AFG2A: variants seen among roughly 807,000 people sequenced by gnomAD.
The protein encoded by AFG2A is AAA ATPase AFG2A, also known as ATPase family gene 2 protein homolog A.
chr4:123,227,320 T>A, the AFG2A span, among the ~76,000 whole-genome samples: 1 of 152,200 alleles, frequency 6.6e-6, no homozygotes, highest in Non-Finnish European at 1.5e-5. Context: ...CAATTTTAGA[T>A]CTTTCCTGCT....
the AFG2A span, among the ~76,000 whole-genome samples, chr4:123,142,676 C>T: frequency 1.3e-5 from 2 of 152,086 alleles, no homozygotes; most frequent in African/African-American, 4.8e-5. Flanking sequence ...TAGATGCTCT[C>T]TCAGGGTTAA....
the AFG2A span, among the ~76,000 whole-genome samples, chr4:123,208,773 T>C: frequency 6.6e-6 from 1 of 152,254 alleles, no homozygotes; most frequent in African/African-American, 2.4e-5. Context: ...ATAGCCATTC[T>C]TCTGTAGTTC....
the AFG2A span, among the ~76,000 whole-genome samples, chr4:123,307,758 T>G: frequency 7.6e-4 from 116 of 152,346 alleles, no homozygotes; most frequent in African/African-American, 2.6e-3. Context: ...TCCCATAAGA[T>G]TACAATATTA....
At chr4:123,294,709 G>T in the AFG2A span, among the ~76,000 whole-genome samples, 3 of 152,164 alleles carry the variant, frequency 2.0e-5, no homozygotes, top group African/African-American at 7.2e-5. Flanking sequence ...ACTGTGGGTT[G>T]TAAGTACCCA....
chr4:123,307,375 TAC>T, the AFG2A span, among the ~76,000 whole-genome samples: 1 of 151,364 alleles, frequency 6.6e-6, no homozygotes. Context: ...TCAGTGTAGA[TAC>T]ACACACACAC....
At chr4:123,262,968 A>G in the AFG2A span, among the ~76,000 whole-genome samples, 2 of 152,300 alleles carry the variant, frequency 1.3e-5, no homozygotes, top group South Asian at 2.1e-4. Context: ...ATGAAAGAAC[A>G]TGGTGTGGTC....
chr4:122,996,648 T>G, the AFG2A span, among the ~76,000 whole-genome samples: 2 of 151,556 alleles, frequency 1.3e-5, 1 homozygote, highest in South Asian at 4.2e-4. Flanking sequence ...TTAGGGGAAT[T>G]GGCTCACACA....
chr4:122,949,066 A>T, the AFG2A span, among the ~76,000 whole-genome samples: 1 of 152,224 alleles, frequency 6.6e-6, no homozygotes, highest in East Asian at 1.9e-4. Flanking sequence ...TAGATTCTGT[A>T]GTGGAAATAT....
At chr4:123,308,598 C>T in the AFG2A span, among the ~76,000 whole-genome samples, 7,535 of 152,226 alleles carry the variant, frequency 0.049, 251 homozygotes, top group Middle Eastern at 0.088. Context: ...TGAGATGGAA[C>T]GGATTCATCC....
the AFG2A span, among the ~76,000 whole-genome samples, chr4:123,224,584 C>T: frequency 6.6e-6 from 1 of 152,278 alleles, no homozygotes; most frequent in East Asian, 1.9e-4. Context: ...TGAATATGTG[C>T]CACATTTTCT....
chr4:123,171,167 A>C, the AFG2A span, among the ~76,000 whole-genome samples: 1 of 152,190 alleles, frequency 6.6e-6, no homozygotes, highest in East Asian at 1.9e-4. Context: ...ACACGGAAGT[A>C]ATACTGATGC....
the AFG2A span, among the ~76,000 whole-genome samples, chr4:122,988,161 G>A: frequency 3.0e-4 from 46 of 151,796 alleles, no homozygotes; most frequent in South Asian, 9.6e-3. Context: ...GTCGTAGTCT[G>A]ATGATGGTTT....
the AFG2A span, among the ~76,000 whole-genome samples, chr4:122,955,371 T>C: frequency 6.6e-6 from 1 of 152,228 alleles, no homozygotes; most frequent in African/African-American, 2.4e-5. Flanking sequence ...TACGGTCTCA[T>C]GGCCTAATCG....
At chr4:122,952,920 C>T in the AFG2A span, among the ~76,000 whole-genome samples, 1 of 152,152 alleles carries the variant, frequency 6.6e-6, no homozygotes, top group Non-Finnish European at 1.5e-5. Context: ...GGAACATGTG[C>T]ATACATTGGG....
At chr4:123,052,852 A>G in the AFG2A span, among the ~76,000 whole-genome samples, 1 of 152,340 alleles carries the variant, frequency 6.6e-6, no homozygotes, top group African/African-American at 2.4e-5. Context: ...CCTCTAAGGT[A>G]GGGAAGCTGA....
At chr4:123,045,219 T>C in the AFG2A span, among the ~76,000 whole-genome samples, 194 of 152,240 alleles carry the variant, frequency 1.3e-3, 1 homozygote, top group African/African-American at 4.5e-3. Context: ...TTACAGAAAA[T>C]TTGCAAGAAC....
At chr4:123,075,705 C>A in the AFG2A span, among the ~76,000 whole-genome samples, 1 of 150,772 alleles carries the variant, frequency 6.6e-6, no homozygotes, top group Non-Finnish European at 1.5e-5. Context: ...CGCCTGTAAT[C>A]CTAGCACTTA....
chr4:123,013,497 C>T, the AFG2A span, among the ~76,000 whole-genome samples: 3 of 152,140 alleles, frequency 2.0e-5, no homozygotes, highest in African/African-American at 7.2e-5. Context: ...AACACAGGAA[C>T]AGAAAACCAA....
chr4:123,058,032 G>A, the AFG2A span, among the ~76,000 whole-genome samples: 620 of 152,308 alleles, frequency 4.1e-3, 2 homozygotes, highest in Non-Finnish European at 7.3e-3. Context: ...AGTAGTAAGT[G>A]TGATATGAAA....
Sources: allele counts gnomAD v4.1 joint callset (sites outside exome capture counted in the v4.1 genomes callset), GRCh38; gene constraint gnomAD v4.1.1; transcripts MANE v1.5; gene names NCBI Gene and HGNC (gene_info 2026-07-23, HGNC 2026-07-21).